The following RASGRP3 variants were observed in gnomAD, a reference collection of about 807,000 sequenced individuals.
RASGRP3 encodes the protein RAS guanyl releasing protein 3, also known as ras guanyl-releasing protein 3.
In RASGRP3, 54 loss-of-function variants were observed where a neutral mutation model predicts 82.7. That is an observed-to-expected ratio of 0.65 (90% CI 0.52 to 0.82). RASGRP3 has a LOEUF of 0.82. Ranked by LOEUF, RASGRP3 falls within the 40% of genes least tolerant of loss-of-function variation. The pLI is 0.00. For missense variants in RASGRP3, 861 were observed against 828.9 expected (o/e 1.04, Z -0.48); for synonymous variants, 309 against 300.5 (o/e 1.03, Z -0.29).
intron 2 of RASGRP3, among the ~76,000 whole-genome samples, chr2:33,462,288 G>A (rs1313956478): frequency 6.6e-6 from 1 of 152,068 alleles, no homozygotes; most frequent in East Asian, 1.9e-4. Context: ...TGTTGATTTA[G>A]AGTGAGGCTG....
intron 1 of RASGRP3, among the ~76,000 whole-genome samples, chr2:33,487,005 T>G (rs1391771266): frequency 6.6e-6 from 1 of 152,186 alleles, no homozygotes; most frequent in Non-Finnish European, 1.5e-5. Flanking sequence ...TAACCCCCAT[T>G]TATTATCTAA....
intron 10 of RASGRP3, among the ~76,000 whole-genome samples, chr2:33,530,340 C>A (rs1006575598): frequency 6.6e-6 from 1 of 152,158 alleles, no homozygotes; most frequent in African/African-American, 2.4e-5. Context: ...AATGCCTACT[C>A]CGTGTGGTAG....
chr2:33,548,376 AAAAAAAAG>A (rs1235201905), intron 13 of RASGRP3, among the ~76,000 whole-genome samples: 91 of 150,094 alleles, frequency 6.1e-4, no homozygotes, highest in African/African-American at 2.0e-3. Context: ...AAAAAAAAAA[AAAAAAAAG>A]AAGGTAGAAA....
intron 1 of RASGRP3, among the ~76,000 whole-genome samples, chr2:33,444,032 G>C (rs1251922808): frequency 6.6e-6 from 1 of 152,220 alleles, no homozygotes; most frequent in African/African-American, 2.4e-5. Context: ...GTGGGGGATA[G>C]TGCCTTACAC....
chr2:33,472,815 G>A (rs928941959), upstream of RASGRP3, among the ~76,000 whole-genome samples: 6 of 149,112 alleles, frequency 4.0e-5, no homozygotes, highest in South Asian at 8.5e-4. Flanking sequence ...ATTGCCGGGC[G>A]CGGTGGGTCA....
At chr2:33,527,600 T>C (rs978734671) in intron 10 of RASGRP3, among the ~76,000 whole-genome samples, 188 bp downstream of exon 10, 5 of 152,176 alleles carry the variant, frequency 3.3e-5, no homozygotes, top group South Asian at 2.1e-4. Flanking sequence ...CCAGCAAATC[T>C]TGGGGCAAAG....
upstream of RASGRP3, among the ~76,000 whole-genome samples, chr2:33,473,062 T>G (rs1376393538): frequency 6.7e-6 from 1 of 149,948 alleles, no homozygotes; most frequent in African/African-American, 2.5e-5. Flanking sequence ...GTTAGGGCAG[T>G]AATTAAAAGA....
At chr2:33,481,936 T>A (rs1451918091) in intron 1 of RASGRP3, 2 of 151,584 alleles carry the variant, frequency 1.3e-5, no homozygotes, top group Admixed American at 6.6e-5. Flanking sequence ...ACTCCTGACC[T>A]CAGGTGATCC....
At chr2:33,462,987 T>C (rs1442928692) in intron 2 of RASGRP3, among the ~76,000 whole-genome samples, 3 of 152,182 alleles carry the variant, frequency 2.0e-5, no homozygotes, top group African/African-American at 7.2e-5. Flanking sequence ...TATAAGAAAC[T>C]CTTTTCAAGA....
At chr2:33,463,203 C>G (rs946832211) in intron 2 of RASGRP3, among the ~76,000 whole-genome samples, 2 of 152,122 alleles carry the variant, frequency 1.3e-5, no homozygotes, top group African/African-American at 4.8e-5. Context: ...GGCATGAACG[C>G]TAAATTTTCC....
chr2:33,502,016 G>C (rs533108519), intron 1 of RASGRP3, among the ~76,000 whole-genome samples: 2 of 152,326 alleles, frequency 1.3e-5, no homozygotes, highest in East Asian at 3.9e-4. Flanking sequence ...GAGTTAGACA[G>C]AGCTTGATTT....
chr2:33,488,016 CAA>C (rs1370095977), intron 1 of RASGRP3, among the ~76,000 whole-genome samples: 3 of 152,120 alleles, frequency 2.0e-5, no homozygotes, highest in Non-Finnish European at 4.4e-5. Flanking sequence ...ATATTTCACA[CAA>C]GAGAGATTAA....
At chr2:33,514,152 T>G (rs1242476582) in intron 2 of RASGRP3, 2 of 152,136 alleles carry the variant, frequency 1.3e-5, no homozygotes, top group Non-Finnish European at 2.9e-5. Context: ...GCATAGTACA[T>G]AATGTGGGTG....
At chr2:33,437,152 G>C (rs1390107826) in intron 1 of RASGRP3, among the ~76,000 whole-genome samples, 1 of 152,150 alleles carries the variant, frequency 6.6e-6, no homozygotes, top group East Asian at 1.9e-4. Flanking sequence ...ACAAAAAACA[G>C]CACTGAATAG....
intron 2 of RASGRP3, among the ~76,000 whole-genome samples, chr2:33,471,558 GT>G (rs1219939977): frequency 4.0e-4 from 58 of 146,332 alleles, no homozygotes; most frequent in South Asian, 1.5e-3. Flanking sequence ...TGCTTTATCA[GT>G]TTTTTTTTTT....
At chr2:33,531,228 C>G (rs1003444582) in intron 10 of RASGRP3, among the ~76,000 whole-genome samples, 2 of 152,134 alleles carry the variant, frequency 1.3e-5, no homozygotes, top group East Asian at 1.9e-4. Flanking sequence ...AATGCAACAA[C>G]TTGAAACAGT....
intron 1 of RASGRP3, among the ~76,000 whole-genome samples, chr2:33,445,498 A>G (rs1665451414): frequency 6.6e-6 from 1 of 152,202 alleles, no homozygotes; most frequent in Admixed American, 6.5e-5. Context: ...GTTTTTAATA[A>G]TTTTCTTGGC....
chr2:33,532,685 G>T (rs1198033718), intron 10 of RASGRP3: 5 of 152,142 alleles, frequency 3.3e-5, no homozygotes, highest in African/African-American at 1.2e-4. Flanking sequence ...TCATGATCTT[G>T]AAATGATACT....
chr2:33,518,332 C>T (rs1305648942), intron 4 of RASGRP3, among the ~76,000 whole-genome samples: 2 of 152,074 alleles, frequency 1.3e-5, no homozygotes, highest in Non-Finnish European at 2.9e-5. Context: ...AGAAAAGGTG[C>T]AGTAAAAATA....
Sources: gnomAD v4.1 joint callset for allele counts (sites outside exome capture counted in the v4.1 genomes callset) on GRCh38, gnomAD v4.1.1 for gene constraint, MANE v1.5 for transcripts, NCBI Gene and HGNC (gene_info 2026-07-23, HGNC 2026-07-21) for gene names.